PINX1: variants seen among roughly 807,000 people sequenced by gnomAD.
PINX1 encodes PIN2/TERF1-interacting telomerase inhibitor 1.
Under a neutral mutation model 25.4 loss-of-function variants are expected in PINX1, and 34 were observed. The observed-to-expected ratio is 1.34, with a 90% CI of 1.02 to 1.78. The LOEUF (loss-of-function observed/expected upper bound fraction) is 1.78. Ranked by LOEUF, PINX1 falls within the 40% of genes most tolerant of loss-of-function variation. The probability of loss-of-function intolerance (pLI) is 0.00; values close to 1 mark genes in which losing one functional copy is unlikely to be tolerated. For missense variants in PINX1, 592 were observed against 404.9 expected (o/e 1.46, Z -3.97); for synonymous variants, 197 against 147.7 (o/e 1.33, Z -2.42).
At chr8:10,796,101 A>G (rs1802075684) in intron 6 of PINX1, among the ~76,000 whole-genome samples, 1 of 152,232 alleles carries the variant, frequency 6.6e-6, no homozygotes, top group South Asian at 2.1e-4. Flanking sequence ...AGTTCAAATG[A>G]TAACGGGATG....
chr8:10,835,269 G>GT (rs765040595), intron 1 of PINX1, among the ~76,000 whole-genome samples: 3 of 152,320 alleles, frequency 2.0e-5, no homozygotes, highest in Admixed American at 1.3e-4. Flanking sequence ...ATAATATTCA[G>GT]TTTTCACAGT....
intron 1 of PINX1, among the ~76,000 whole-genome samples, chr8:10,837,052 T>C: frequency 6.6e-6 from 1 of 152,350 alleles, no homozygotes; most frequent in East Asian, 1.9e-4. Context: ...CTGCTATCCT[T>C]TGAAAGGCCT....
intron 1 of PINX1, among the ~76,000 whole-genome samples, chr8:10,837,433 C>T (rs1798436171): frequency 6.6e-6 from 1 of 152,216 alleles, no homozygotes; most frequent in Non-Finnish European, 1.5e-5. Context: ...CATCCTTTTG[C>T]TGTAATAAAT....
intron 6 of PINX1, among the ~76,000 whole-genome samples, chr8:10,799,949 A>T (rs549113368): frequency 6.6e-6 from 1 of 152,306 alleles, no homozygotes; most frequent in East Asian, 1.9e-4. Context: ...CTGACTGCTA[A>T]GGCTCAGAAA....
chr8:10,830,959 G>A (rs776534101), intron 4 of PINX1, among the ~76,000 whole-genome samples: 6 of 152,182 alleles, frequency 3.9e-5, no homozygotes, highest in Non-Finnish European at 7.3e-5. Context: ...TTACCCAAAG[G>A]AAAGGAAATC....
At chr8:10,833,273 T>C (rs868582192) in intron 2 of PINX1, among the ~76,000 whole-genome samples, 2 of 152,094 alleles carry the variant, frequency 1.3e-5, no homozygotes, top group African/African-American at 2.4e-5. Context: ...CTTCTGCAAA[T>C]TAAGGAATGA....
intron 6 of PINX1, chr8:10,787,567 C>T (rs1563210012): frequency 4.2e-6 from 1 of 237,262 alleles, no homozygotes; most frequent in Non-Finnish European, 8.4e-6. Context: ...AAAGAGTTTA[C>T]AATATTATTA....
intron 6 of PINX1, among the ~76,000 whole-genome samples, chr8:10,794,100 C>T (rs918403918): frequency 6.6e-6 from 1 of 152,084 alleles, no homozygotes; most frequent in Non-Finnish European, 1.5e-5. Context: ...GGTGTCGTCA[C>T]CAGAATAACT....
At chr8:10,768,877 TG>T (rs1292494109) in intron 6 of PINX1, among the ~76,000 whole-genome samples, 5 of 152,214 alleles carry the variant, frequency 3.3e-5, no homozygotes, top group Non-Finnish European at 7.3e-5. Context: ...CTTTTACATC[TG>T]GTCTCTATCA....
intron 6 of PINX1, among the ~76,000 whole-genome samples, chr8:10,766,329 T>A (rs1801044937): frequency 6.6e-6 from 1 of 152,232 alleles, no homozygotes; most frequent in Admixed American, 6.5e-5. Flanking sequence ...GTGATTTTGT[T>A]AGACACCGAT....
rs1182965860 is a variant in PINX1, at chr8:10,770,494, A to C, written c.472-4578T>G. ...CTCTTCTCGGATGTCTACAGAATTAAAGTCTGTTCTGCTTCTTTTAGGATC... is the reference window on the plus strand; with the variant it reads ...CTCTTCTCGGATGTCTACAGAATTACAGTCTGTTCTGCTTCTTTTAGGATC... On this transcript the variant is annotated intron_variant, in intron 6 of 6. Transcript: ENST00000314787. 3.7e-4 allele frequency among the ~76,000 whole-genome samples: 57 copies of C among 152,210 alleles called. 1 individual carries two copies. Among genetic ancestry groups the C allele is most frequent in the Non-Finnish European group, 2.9e-5 (2 of 68,040 alleles).
chr8:10,824,320 G>C (rs531238021), intron 5 of PINX1, among the ~76,000 whole-genome samples: 8 of 152,312 alleles, frequency 5.3e-5, no homozygotes, highest in Non-Finnish European at 1.2e-4. Flanking sequence ...TGATTGGAAA[G>C]CTAGCTGATA....
intron 6 of PINX1, among the ~76,000 whole-genome samples, chr8:10,792,292 C>T (rs555798030): frequency 6.6e-6 from 1 of 152,004 alleles, no homozygotes; most frequent in Non-Finnish European, 1.5e-5. Flanking sequence ...AATCCTCCTG[C>T]ATCTTCTCTT....
At chr8:10,787,494 G>A in intron 6 of PINX1, 1 of 188,818 alleles carries the variant, frequency 5.3e-6, no homozygotes, top group Non-Finnish European at 1.1e-5. Context: ...CCAAAGTGCT[G>A]GGATTACAGG....
chr8:10,832,231 T>A (rs963032315), intron 3 of PINX1, among the ~76,000 whole-genome samples: 1 of 152,104 alleles, frequency 6.6e-6, no homozygotes, highest in Non-Finnish European at 1.5e-5. Flanking sequence ...GAACCTTAAG[T>A]CCCCTGAATC....
intron 6 of PINX1, among the ~76,000 whole-genome samples, chr8:10,815,433 T>C (rs556378444): frequency 1.8e-4 from 28 of 152,356 alleles, no homozygotes; most frequent in South Asian, 1.0e-3. Context: ...CATAGTTTGT[T>C]CCACTACACA....
chr8:10,829,154 T>C (rs565484091), intron 4 of PINX1, among the ~76,000 whole-genome samples: 1 of 151,830 alleles, frequency 6.6e-6, no homozygotes, highest in Non-Finnish European at 1.5e-5. Flanking sequence ...GGCGTGGTGG[T>C]GTGCACCTGT....
intron 6 of PINX1, among the ~76,000 whole-genome samples, chr8:10,799,224 T>C (rs905336911): frequency 6.6e-6 from 1 of 152,078 alleles, no homozygotes; most frequent in Non-Finnish European, 1.5e-5. Flanking sequence ...AATTTTATTA[T>C]AAACATAAAC....
At chr8:10,780,672 T>C (rs1354533474) in intron 6 of PINX1, among the ~76,000 whole-genome samples, 1 of 151,432 alleles carries the variant, frequency 6.6e-6, no homozygotes, top group Non-Finnish European at 1.5e-5. Context: ...GTAAAAGACC[T>C]GTACACTGAA....
Sources: allele counts gnomAD v4.1 joint callset (sites outside exome capture counted in the v4.1 genomes callset), GRCh38; gene constraint gnomAD v4.1.1; transcripts MANE v1.5; gene names NCBI Gene and HGNC (gene_info 2026-07-23, HGNC 2026-07-21).